The following DNAJB4 variants were observed in gnomAD, a reference collection of about 807,000 sequenced individuals.
The protein encoded by DNAJB4 is DnaJ heat shock protein family (Hsp40) member B4.
A neutral mutation model predicts 26.6 loss-of-function variants in DNAJB4; 10 were observed. The ratio of observed to expected loss-of-function variants is 0.38; its 90% CI spans 0.23 to 0.64. DNAJB4 has a LOEUF of 0.64. DNAJB4 is among the 30% of genes least tolerant of loss of function. DNAJB4 has a pLI of 0.58. For missense variants in DNAJB4, 328 were observed against 408.2 expected, an observed-to-expected ratio of 0.80 and a Z score of 1.69; for synonymous variants, 136 against 134.8, an observed-to-expected ratio of 1.01 and a Z score of -0.06.
chr1:78,016,367 A>G lies in DNAJB4; in HGVS notation c.*120A>G. 1.2e-6 allele frequency: 1 copy of G among 819,802 alleles called. No homozygotes were observed. The highest frequency in any genetic ancestry group is 1.9e-6 in the Non-Finnish European group (1 of 532,924). 50.8% of individuals were successfully genotyped at this position (819,802 alleles called of 1,614,324 possible). On this transcript the variant is annotated 3_prime_UTR_variant, in exon 3 of 3. Coordinates refer to ENST00000370763, the MANE Select transcript of DNAJB4 (RefSeq NM_007034.5). ...GTGTAAATTCTTTTGAGGGTTCATT[A>G]AATTGCATGAATAGAGACGGGTCAA...
In DNAJB4 at chr1:78,011,314, T is replaced by C. The variant is rs539366088; in HGVS notation, c.212-1737T>C. ...CTTACGTGTCAAAGTTTACAGCTCT[T>C]GATTTCAGTCTTCTTACAAGCATTG... On this transcript the variant is annotated intron_variant, in intron 1 of 2. Transcript: ENST00000370763. Among the ~76,000 whole-genome samples the C allele has an allele frequency of 2.0e-5, 3 of 152,284 alleles. No individual in the cohort carries two copies. In the South Asian group the frequency reaches 6.2e-4, roughly 32 times the overall value.
rs1235082075 is a variant in DNAJB4 at position 78,013,093 on chromosome 1, C to T, written c.254C>T (p.Thr85Ile). The change falls in exon 2 of 3, where the codon ACC becomes ATC. Residue 85 changes from threonine to isoleucine, a missense_variant. Transcript: ENST00000370763. ...GAGGTDGQGG[T>I]FRYTFHGDPH... Reference sequence around the variant, plus strand: ...GGAGGTACTGATGGACAAGGAGGTACCTTCCGGTACACCTTTCATGGCGAT... The same window carrying T: ...GGAGGTACTGATGGACAAGGAGGTATCTTCCGGTACACCTTTCATGGCGAT... The T allele has an allele frequency of 1.2e-6, 2 of 1,613,324 alleles. No homozygotes were observed. Among genetic ancestry groups the T allele is most frequent in the East Asian group, 4.5e-5 (2 of 44,882 alleles).
At chr1:78,012,922 T>C in intron 1 of DNAJB4, 129 bp from the exon 2 acceptor site, 1 of 664,838 alleles carries the variant, frequency 1.5e-6, no homozygotes, top group Non-Finnish European at 2.5e-6. Flanking sequence ...TTTAGTAAAG[T>C]GGCATTTCTG....
chr1:77,980,339 A>ATATATATATATGTGTG (rs1477495217), intron 1 of DNAJB4: 1 of 126,072 alleles, frequency 7.9e-6, no homozygotes, highest in African/African-American at 3.9e-5. Flanking sequence ...ATATATATAT[A>ATATATATATATGTGTG]TGTGTGTGTG....
At chr1:77,982,528 A>C (rs1262981428) in intron 1 of DNAJB4, among the ~76,000 whole-genome samples, 2 of 50,126 alleles carry the variant, frequency 4.0e-5, no homozygotes, top group African/African-American at 1.5e-4. Flanking sequence ...GCTTTTAAAA[A>C]ATATGAAAGG....
At chr1:78,001,753 C>G (rs1037390975), upstream of DNAJB4, among the ~76,000 whole-genome samples, 1 of 152,154 alleles carries the variant, frequency 6.6e-6, no homozygotes, top group African/African-American at 2.4e-5. Flanking sequence ...GTCTTGAACT[C>G]CTGAGCTCAA....
upstream of DNAJB4, chr1:78,004,694 A>G (rs1660283015): frequency 5.9e-6 from 1 of 170,714 alleles, no homozygotes; most frequent in African/African-American, 2.4e-5. Flanking sequence ...AAATATTGGC[A>G]TGTTAACCCA....
At chr1:77,982,988 G>A (rs1659695826) in intron 1 of DNAJB4, among the ~76,000 whole-genome samples, 1 of 152,200 alleles carries the variant, frequency 6.6e-6, no homozygotes, top group Non-Finnish European at 1.5e-5. Context: ...GACAAAGTAT[G>A]CTGAACCAGC....
chr1:77,993,317 A>C (rs1381805191), intron 1 of DNAJB4, among the ~76,000 whole-genome samples: 1 of 151,180 alleles, frequency 6.6e-6, no homozygotes, highest in Non-Finnish European at 1.5e-5. Flanking sequence ...TTTTTCTTTT[A>C]TTTTTTTTCT....
chr1:77,989,459 C>T (rs1659882267), intron 1 of DNAJB4, among the ~76,000 whole-genome samples: 1 of 151,956 alleles, frequency 6.6e-6, no homozygotes, highest in Non-Finnish European at 1.5e-5. Context: ...TTTTCATTTC[C>T]CTCTTAATGT....
chr1:78,007,244 T>C (rs1660351172), intron 1 of DNAJB4, among the ~76,000 whole-genome samples: 1 of 151,994 alleles, frequency 6.6e-6, no homozygotes, highest in East Asian at 1.9e-4. Flanking sequence ...CATAGAAATA[T>C]ATTATGCAGA....
intron 1 of DNAJB4, among the ~76,000 whole-genome samples, chr1:77,985,320 T>C (rs1410793142): frequency 6.6e-6 from 1 of 152,164 alleles, no homozygotes; most frequent in Admixed American, 6.5e-5. Flanking sequence ...TTTATAGTAG[T>C]GATCTCTTTG....
chr1:78,004,383 T>C (rs1660267482), upstream of DNAJB4: 1 of 152,258 alleles, frequency 6.6e-6, no homozygotes, highest in Non-Finnish European at 1.5e-5. Flanking sequence ...AATTTTATTA[T>C]AGATACTCCC....
rs758021849 is a variant in DNAJB4 at position 78,005,194 on chromosome 1, C to A, written c.84C>A (p.Ala28=). ...EDIKKAYRKQ[A]LKFHPDKNKS... ...TTAAAAAGGCTTACCGAAAACAAGC[C>A]CTCAAATTTCATCCGGACAAGAACA... The change falls in exon 1 of 3, where the codon GCC becomes GCA. Residue 28 remains alanine, a synonymous_variant. Transcript: ENST00000370763. The A allele has an allele frequency of 6.2e-7, 1 of 1,613,896 alleles. No individual in the cohort carries two copies. The highest frequency in any genetic ancestry group is 1.1e-5 in the South Asian group (1 of 91,058).
intron 1 of DNAJB4, among the ~76,000 whole-genome samples, chr1:77,985,315 A>G (rs747482851): frequency 1.7e-4 from 26 of 152,260 alleles, no homozygotes; most frequent in Middle Eastern, 6.8e-3. Context: ...CTCTATTTAT[A>G]GTAGTGATCT....
intron 1 of DNAJB4, among the ~76,000 whole-genome samples, chr1:77,986,994 G>A (rs1043956471): frequency 6.6e-6 from 1 of 152,026 alleles, no homozygotes; most frequent in Non-Finnish European, 1.5e-5. Context: ...TGCTACCAGT[G>A]TCCCTACCCT....
chr1:77,997,365 A>G lies in DNAJB4; in HGVS notation c.-31-7715A>G, dbSNP rs889185411. Among the ~76,000 whole-genome samples, 5 of 151,182 alleles carry G rather than the reference A, an allele frequency of 3.3e-5. No individual in the cohort carries two copies. In the East Asian group the frequency reaches 5.8e-4, roughly 18 times the overall value. ...TCTATATCTATATCTATATATCTATATATATATTAGCAAGATGTGGTGGTG... is the reference window on the plus strand; with the variant it reads ...TCTATATCTATATCTATATATCTATGTATATATTAGCAAGATGTGGTGGTG... On this transcript the variant is annotated intron_variant, in intron 1 of 2. Coordinates refer to the DNAJB4 transcript ENST00000426517.
chr1:78,002,027 C>T (rs990775932), upstream of DNAJB4, among the ~76,000 whole-genome samples: 3 of 152,106 alleles, frequency 2.0e-5, no homozygotes, highest in East Asian at 1.9e-4. Context: ...TCAAACTTTC[C>T]GTCACACATA....
intron 2 of DNAJB4, among the ~76,000 whole-genome samples, chr1:78,013,994 A>G (rs181141063): frequency 6.6e-6 from 1 of 152,054 alleles, no homozygotes; most frequent in Non-Finnish European, 1.5e-5. Flanking sequence ...AATAATTTAT[A>G]ATTCACTACA....
Sources: gnomAD v4.1 joint callset for allele counts (sites outside exome capture counted in the v4.1 genomes callset) on GRCh38, gnomAD v4.1.1 for gene constraint, MANE v1.5 for transcripts, NCBI Gene and HGNC (gene_info 2026-07-23, HGNC 2026-07-21) for gene names.